WNT9B: variants seen among roughly 807,000 people sequenced by gnomAD.
WNT9B encodes the protein Wnt family member 9B, also known as protein Wnt-9b.
WNT9B carries 12 observed loss-of-function variants against 30.2 expected under a neutral mutation model. That is an observed-to-expected ratio of 0.40 (90% CI 0.26 to 0.64). The LOEUF is 0.64. Ranked by LOEUF, WNT9B falls within the 30% of genes least tolerant of loss-of-function variation. The pLI, the probability that WNT9B is intolerant of heterozygous loss-of-function variation, is 0.42. For synonymous variants in WNT9B, 218 were observed against 216.9 expected (o/e 1.01, Z -0.05); for missense variants, 442 against 485.2 (o/e 0.91, Z 0.84).
intron 1 of WNT9B, among the ~76,000 whole-genome samples, chr17:46,865,258 G>T (rs1044949981): frequency 3.3e-5 from 5 of 152,218 alleles, no homozygotes; most frequent in Admixed American, 3.3e-4. Flanking sequence ...CTTGCTGTGC[G>T]AGCTGCTCAC....
downstream of WNT9B, among the ~76,000 whole-genome samples, chr17:46,882,479 A>G (rs914015156): frequency 6.6e-6 from 1 of 152,190 alleles, no homozygotes; most frequent in Non-Finnish European, 1.5e-5. Flanking sequence ...CTTGTTGCCC[A>G]GGCTGGAGTG....
intron 1 of WNT9B, among the ~76,000 whole-genome samples, chr17:46,861,005 C>T (rs926316665): frequency 6.6e-6 from 1 of 152,160 alleles, no homozygotes; most frequent in Non-Finnish European, 1.5e-5. Flanking sequence ...ATTACAGGCC[C>T]AAGGCATCAT....
chr17:46,841,952 A>G (rs1025984016), intron 1 of WNT9B, among the ~76,000 whole-genome samples: 3 of 152,204 alleles, frequency 2.0e-5, no homozygotes, highest in African/African-American at 4.8e-5. Context: ...AGCGTCCTCC[A>G]GCGTCCGCGG....
chr17:46,845,183 A>G (rs1568116163), intron 1 of WNT9B, among the ~76,000 whole-genome samples: 1 of 151,962 alleles, frequency 6.6e-6, no homozygotes, highest in Non-Finnish European at 1.5e-5. Context: ...ATCCATAGCT[A>G]TGTCCTGTGT....
chr17:46,873,585 G>A (rs936493477), intron 2 of WNT9B, among the ~76,000 whole-genome samples: 12 of 152,170 alleles, frequency 7.9e-5, no homozygotes, highest in Admixed American at 2.0e-4. Flanking sequence ...TAGCCTGGGC[G>A]CAGTGGCTTG....
At chr17:46,854,917 C>G (rs540735462) in intron 1 of WNT9B, among the ~76,000 whole-genome samples, 15 of 152,312 alleles carry the variant, frequency 9.8e-5, no homozygotes, top group Non-Finnish European at 2.1e-4. Context: ...GCCTGGGCCT[C>G]CTAAAGTGCT....
chr17:46,872,186 AC>A (rs1395662161), intron 1 of WNT9B, among the ~76,000 whole-genome samples: 2 of 152,132 alleles, frequency 1.3e-5, no homozygotes, highest in Non-Finnish European at 2.9e-5. Context: ...AAACCAATAG[AC>A]CCAGAATTGC....
intron 1 of WNT9B, among the ~76,000 whole-genome samples, chr17:46,836,085 G>A (rs984888020): frequency 3.1e-5 from 3 of 96,674 alleles, no homozygotes; most frequent in African/African-American, 1.4e-4. Context: ...AGCAGCTGGA[G>A]AGACGCTGAC....
chr17:46,840,007 CTTTCTTTCTTTCTTTCTTTCTTTCT>C (rs2084690687), intron 1 of WNT9B, among the ~76,000 whole-genome samples: 1 of 50,254 alleles, frequency 2.0e-5, no homozygotes, highest in Admixed American at 2.8e-4. Flanking sequence ...TTTCTTCTTT[CTTTCTTTCTTTCTTTCTTTCTTTCT>C]TTTCTTTCTT....
upstream of WNT9B, among the ~76,000 whole-genome samples, chr17:46,848,963 C>A (rs1372690227): frequency 6.8e-6 from 1 of 147,648 alleles, no homozygotes; most frequent in Non-Finnish European, 1.5e-5. Context: ...GCTTGGTACA[C>A]AGGAGCTGCT....
At chr17:46,837,495 C>G (rs2084647732) in intron 1 of WNT9B, among the ~76,000 whole-genome samples, 2 of 152,206 alleles carry the variant, frequency 1.3e-5, no homozygotes, top group Non-Finnish European at 2.9e-5. Flanking sequence ...ATCGAATCCT[C>G]ACTAGAACCC....
chr17:46,875,056 C>A, intron 2 of WNT9B, 45 bp from the exon 3 acceptor site: 1 of 1,613,278 alleles, frequency 6.2e-7, no homozygotes, highest in Non-Finnish European at 8.5e-7. Flanking sequence ...CCTTTCCTCT[C>A]TTCCCCCTTT....
chr17:46,854,255 G>A (rs116216371), intron 1 of WNT9B, among the ~76,000 whole-genome samples: 2 of 152,192 alleles, frequency 1.3e-5, no homozygotes, highest in Admixed American at 6.5e-5. Flanking sequence ...ATCTGCATTC[G>A]CTGTCTGGGA....
In WNT9B at chr17:46,835,057, C is replaced by T. The variant is rs982368923; in HGVS notation, c.95+1617C>T. Among the ~76,000 whole-genome samples, 9 of 152,138 alleles carry T rather than the reference C, an allele frequency of 5.9e-5. No homozygotes were observed. The South Asian group carries it at 6.2e-4, about 11-fold the overall frequency. ...TTGTCCAGGCTGCAGCGCAGTAGTG[C>T]GATCAGTGCTCACTGTAGCCTCCAT... is the stretch of plus-strand genomic sequence containing the variant. On this transcript the variant is annotated intron_variant, in intron 1 of 2. Coordinates refer to the WNT9B transcript ENST00000575372.
downstream of WNT9B, among the ~76,000 whole-genome samples, chr17:46,883,137 C>A (rs891747464): frequency 2.0e-5 from 3 of 152,030 alleles, no homozygotes; most frequent in Non-Finnish European, 4.4e-5. Context: ...CGCCACCACG[C>A]CCGGCTAATT....
intron 1 of WNT9B, among the ~76,000 whole-genome samples, chr17:46,871,995 T>C (rs2085252412): frequency 1.3e-5 from 2 of 152,192 alleles, no homozygotes; most frequent in Non-Finnish European, 2.9e-5. Flanking sequence ...GAGAGGGATG[T>C]CAGGGGACCT....
intron 1 of WNT9B, among the ~76,000 whole-genome samples, chr17:46,837,054 T>C (rs1355585629): frequency 6.6e-6 from 1 of 152,156 alleles, no homozygotes; most frequent in African/African-American, 2.4e-5. Context: ...GCAATTCTCC[T>C]GCCTCAGCCT....
Position 46,877,598 on chromosome 17 carries a change from G to C in WNT9B, c.*880G>C, listed in dbSNP as rs1357798954. ...AAGGAATCTTCACTCCCAGCGCAGA[G>C]GAGGAGGGCAACAGCTTCCTGGTGC... is the stretch of plus-strand genomic sequence containing the variant. On this transcript the variant is annotated 3_prime_UTR_variant, in exon 4 of 4. Coordinates refer to ENST00000290015, the MANE Select transcript of WNT9B (RefSeq NM_003396.3). Among the ~76,000 whole-genome samples the C allele has an allele frequency of 2.0e-5, 3 of 152,166 alleles. No homozygotes were observed. Among genetic ancestry groups the C allele is most frequent in the Non-Finnish European group, 4.4e-5 (3 of 68,020 alleles).
At position 46,853,363 on chromosome 17, in the gene WNT9B, CTTTTTTT is replaced by C. The variant is rs35252647; in HGVS notation, c.77+1668_77+1674del. On this transcript the variant is annotated intron_variant, in intron 1 of 3. Transcript: ENST00000290015. ...GTAAGTGCTCAACTAATGCTAGTGA[CTTTTTTT>C]TTTTTTTTTTTTTTTTTTTAAGACG... 1.4e-4 allele frequency among the ~76,000 whole-genome samples: 11 copies of C among 78,908 alleles called. No individual in the cohort carries two copies. In the East Asian group the frequency reaches 2.5e-3, roughly 18 times the overall value. 51.8% of individuals were successfully genotyped at this position (78,908 alleles called of 152,430 possible). A position where few individuals can be genotyped will look rare whatever the true frequency, so the allele number is the denominator to read the frequency against.
Sources: gnomAD v4.1 joint callset for allele counts (sites outside exome capture counted in the v4.1 genomes callset) on GRCh38, gnomAD v4.1.1 for gene constraint, MANE v1.5 for transcripts, NCBI Gene and HGNC (gene_info 2026-07-23, HGNC 2026-07-21) for gene names.